The following POLR3A variants were observed in gnomAD, a reference collection of about 807,000 sequenced individuals.
POLR3A encodes the protein DNA-directed RNA polymerase III subunit RPC1.
A neutral mutation model predicts 152.8 loss-of-function variants in POLR3A; 112 were observed. That is an observed-to-expected ratio of 0.73 (90% CI 0.63 to 0.86). The LOEUF is 0.86. Among genes scored for constraint, POLR3A ranks in the 40% least tolerant of loss-of-function variants. POLR3A has a pLI of 0.00. For missense variants in POLR3A, 1,385 were observed against 1,743.1 expected (o/e 0.79, Z 3.66); for synonymous variants, 615 against 652.1 (o/e 0.94, Z 0.87).
In POLR3A at chr10:77,992,927, G is replaced by C. The variant is rs12263985; in HGVS notation, c.2787+270C>G. On this transcript the variant is annotated intron_variant, in intron 20 of 30. Coordinates refer to ENST00000372371, the MANE Select transcript of POLR3A (RefSeq NM_007055.4). ...GACGGGGTCTCACTTTGCTGCCCAG[G>C]CTAGTCTTAAACTCCTGGCCTCAAG... Among the ~76,000 whole-genome samples, 295 of 151,612 alleles carry C rather than the reference G, an allele frequency of 1.9e-3. 2 individuals carry two copies. Among genetic ancestry groups the C allele is most frequent in the African/African-American group, 6.8e-3 (283 of 41,362 alleles).
intron 29 of POLR3A, 35 bp from the exon 30 acceptor site, chr10:77,980,308 A>G (rs745712484): frequency 1.1e-5 from 18 of 1,611,554 alleles, no homozygotes; most frequent in Non-Finnish European, 1.4e-5. Flanking sequence ...GGTGGTACTC[A>G]CACCAATGGC....
At chr10:78,024,460 G>C in intron 5 of POLR3A, 89 bp downstream of exon 5, 1 of 1,360,722 alleles carries the variant, frequency 7.3e-7, no homozygotes, top group Non-Finnish European at 1.0e-6. Context: ...CTAGGGGTGG[G>C]GCGGAGTTGG....
chr10:77,997,996 C>T (rs1847318961), intron 19 of POLR3A, among the ~76,000 whole-genome samples: 1 of 152,084 alleles, frequency 6.6e-6, no homozygotes, highest in Non-Finnish European at 1.5e-5. Flanking sequence ...AGAAATAATG[C>T]CGCATATCTA....
chr10:78,021,495 G>A lies in POLR3A; in HGVS notation c.1185+51C>T, dbSNP rs780766447. The A allele has an allele frequency of 2.1e-5, 33 of 1,600,500 alleles. 1 individual carries two copies. Among genetic ancestry groups the A allele is most frequent in the East Asian group, 1.6e-4 (7 of 44,802 alleles). On this transcript the variant is annotated intron_variant, in intron 8 of 30. Transcript: ENST00000372371. ...GTTGTTTGCAATACCAAAATATAAC[G>A]TAAAAGACTGAATTTAAAACAAAGA...
chr10:78,000,270 C>T, intron 18 of POLR3A, 152 bp from the exon 19 acceptor site: 1 of 744,330 alleles, frequency 1.3e-6, no homozygotes, highest in Non-Finnish European at 2.3e-6. Flanking sequence ...TTGCCCTTTC[C>T]TTATGGAGAA....
intron 19 of POLR3A, 113 bp from the exon 20 acceptor site, chr10:77,993,480 A>G: frequency 1.3e-6 from 1 of 792,358 alleles, no homozygotes. Context: ...AATCACATAA[A>G]AATACTTTAT....
intron 2 of POLR3A, 109 bp downstream of exon 2, chr10:78,025,985 G>A (rs954428472): frequency 7.2e-7 from 1 of 1,383,062 alleles, no homozygotes. Flanking sequence ...ATATGTGCAG[G>A]GGGGAATTGA....
intron 9 of POLR3A, among the ~76,000 whole-genome samples, chr10:78,018,251 A>C (rs1183191775): frequency 6.6e-6 from 1 of 151,772 alleles, no homozygotes; most frequent in South Asian, 2.1e-4. Flanking sequence ...CTGTAATCCT[A>C]GCACTTTGGG....
chr10:78,011,787 T>A (rs1437999049), intron 11 of POLR3A, among the ~76,000 whole-genome samples: 1 of 152,200 alleles, frequency 6.6e-6, no homozygotes, highest in Non-Finnish European at 1.5e-5. Flanking sequence ...GAGAACAGCA[T>A]TGCTAAATCA....
In POLR3A at chr10:78,009,646, G is replaced by A. The variant is rs1564620047; in HGVS notation, c.1800C>T (p.Ile600=). The A allele has an allele frequency of 6.2e-7, 1 of 1,614,212 alleles. No individual in the cohort carries two copies. Among genetic ancestry groups the A allele is most frequent in the South Asian group, 1.1e-5 (1 of 91,084 alleles). ...KPVTLWTGKQ[I]FSVILRPSDD... is the part of the protein sequence containing the mutation. ...CGCTAGGCCTGAGGATGACACTGAAGATCTGCTTTCCCGTCCACAGGGTGA... is the reference window on the plus strand; with the variant it reads ...CGCTAGGCCTGAGGATGACACTGAAAATCTGCTTTCCCGTCCACAGGGTGA... Residue 600 remains isoleucine (I), a synonymous_variant, in exon 14 of 31, where the codon ATC becomes ATT. Transcript: ENST00000372371.
In POLR3A at chr10:77,977,230, T is replaced by G. The variant is rs951526620; in HGVS notation, c.*248A>C. ...ACGAGCTGTGGGGCCGTCTATAGAT[T>G]AGGTTTCAAGCAAGCAAACAATAAA... On this transcript the variant is annotated 3_prime_UTR_variant, in exon 31 of 31. Transcript: ENST00000372371. 4 of 507,240 alleles carry G rather than the reference T, an allele frequency of 7.9e-6. No homozygotes were observed. Among genetic ancestry groups the G allele is most frequent in the African/African-American group, 7.7e-5 (4 of 51,616 alleles). 31.4% of individuals were successfully genotyped at this position (507,240 alleles called of 1,614,324 possible).
At chr10:77,988,249 C>T (rs1336083503) in intron 21 of POLR3A, among the ~76,000 whole-genome samples, 2 of 152,082 alleles carry the variant, frequency 1.3e-5, no homozygotes, top group African/African-American at 4.8e-5. Context: ...CAGCTGGGTG[C>T]GGTAGCTCAT....
At chr10:77,979,111 C>T (rs901420362) in intron 30 of POLR3A, among the ~76,000 whole-genome samples, 47 of 152,350 alleles carry the variant, frequency 3.1e-4, no homozygotes, top group Admixed American at 2.5e-3. Flanking sequence ...CCCGCTCTCA[C>T]CCTTCTTTAT....
chr10:78,029,268 T>C (rs1223679967), intron 1 of POLR3A, 96 bp downstream of exon 1: 2 of 1,258,570 alleles, frequency 1.6e-6, no homozygotes, highest in Admixed American at 1.7e-5. Flanking sequence ...CCCCTTCCCA[T>C]TGCACCCCAT....
chr10:78,024,446 G>C, intron 5 of POLR3A, 103 bp downstream of exon 5: 1 of 1,125,596 alleles, frequency 8.9e-7, no homozygotes, highest in African/African-American at 1.5e-5. Flanking sequence ...AAGAAAGTGG[G>C]TGTCTAGGGG....
intron 19 of POLR3A, among the ~76,000 whole-genome samples, chr10:77,998,087 A>C (rs1847319876): frequency 1.3e-5 from 2 of 152,170 alleles, no homozygotes. Context: ...TGCTGGGAAA[A>C]CTGGGTAGTC....
chr10:77,996,451 T>G (rs977071494), intron 19 of POLR3A, among the ~76,000 whole-genome samples: 1 of 151,926 alleles, frequency 6.6e-6, no homozygotes, highest in African/African-American at 2.4e-5. Flanking sequence ...AAGAATCAAA[T>G]AGATGCAATA....
chr10:77,986,645 G>A (rs867306714), intron 21 of POLR3A, among the ~76,000 whole-genome samples: 6 of 152,138 alleles, frequency 3.9e-5, no homozygotes, highest in African/African-American at 1.4e-4. Flanking sequence ...AACACACTTT[G>A]AGCTTACCTT....
At chr10:78,000,229 C>T (rs1006200166) in intron 18 of POLR3A, 111 bp from the exon 19 acceptor site, 21 of 892,510 alleles carry the variant, frequency 2.4e-5, no homozygotes, top group Non-Finnish European at 3.8e-5. Context: ...AATACCTGGC[C>T]AGTATATTCT....
Sources: allele counts gnomAD v4.1 joint callset (sites outside exome capture counted in the v4.1 genomes callset), GRCh38; gene constraint gnomAD v4.1.1; transcripts MANE v1.5; gene names NCBI Gene and HGNC (gene_info 2026-07-23, HGNC 2026-07-21).